The following ZNF383 variants were observed in gnomAD, a reference collection of about 807,000 sequenced individuals.
The protein encoded by ZNF383 is zinc finger protein 383.
Under a neutral mutation model 44.2 loss-of-function variants are expected in ZNF383, and 32 were observed. That is an observed-to-expected ratio of 0.72 (90% confidence interval 0.55 to 0.97). The LOEUF (loss-of-function observed/expected upper bound fraction) is 0.97, where lower values mean the gene tolerates loss of function less well. Among genes scored for constraint, ZNF383 ranks in the 50% least tolerant of loss-of-function variants. ZNF383 has a pLI of 0.00. For synonymous variants in ZNF383, 155 were observed against 186.2 expected (o/e 0.83, Z 1.36); for missense variants, 487 against 562.5 (o/e 0.87, Z 1.36).
At chr19:37,224,148 A>G (rs920910697) in intron 1 of ZNF383, among the ~76,000 whole-genome samples, 3 of 152,204 alleles carry the variant, frequency 2.0e-5, no homozygotes, top group Admixed American at 1.3e-4. Context: ...CTAGGAAATA[A>G]TAAGAATAAA....
At chr19:37,219,232 A>T (rs1972807178) in intron 1 of ZNF383, 1 of 152,482 alleles carries the variant, frequency 6.6e-6, no homozygotes. Context: ...AAGAATGCTC[A>T]TGACAGCCTA....
intron 3 of ZNF383, among the ~76,000 whole-genome samples, chr19:37,232,411 C>T (rs1568525527): frequency 6.6e-6 from 1 of 151,900 alleles, no homozygotes; most frequent in Non-Finnish European, 1.5e-5. Context: ...AACTGGTAGA[C>T]CAGAGAATTA....
chr19:37,247,465 A>T lies in ZNF383; in HGVS notation c.*3801A>T, dbSNP rs1166560688. On this transcript the variant is annotated 3_prime_UTR_variant, in exon 6 of 6. Transcript: ENST00000684119. Reference sequence around the variant, plus strand: ...AAAGGTTGTACAATTTTGTTTATATACTACAGGTCACTCAACTATACACTT... The same window carrying T: ...AAAGGTTGTACAATTTTGTTTATATTCTACAGGTCACTCAACTATACACTT... 3 of 152,212 alleles carry T rather than the reference A, an allele frequency of 2.0e-5. No homozygotes were observed. The highest frequency in any genetic ancestry group is 7.2e-5 in the African/African-American group (3 of 41,458). The allele number at this position is 152,212 out of a possible 1,614,324, so 9.4% of individuals were successfully genotyped here.
intron 1 of ZNF383, among the ~76,000 whole-genome samples, chr19:37,219,087 T>C (rs1972801071): frequency 1.3e-5 from 2 of 151,880 alleles, no homozygotes; most frequent in Non-Finnish European, 2.9e-5. Flanking sequence ...CCTGTGGAGG[T>C]CTATGTGGGT....
intron 3 of ZNF383, among the ~76,000 whole-genome samples, chr19:37,234,513 T>C (rs1973671463): frequency 6.6e-6 from 1 of 152,128 alleles, no homozygotes; most frequent in Admixed American, 6.6e-5. Context: ...CTCAGCCTCC[T>C]GAGTAGCTGA....
At chr19:37,229,147 ATTTTT>A (rs774901192) in intron 2 of ZNF383, among the ~76,000 whole-genome samples, 1 of 116,874 alleles carries the variant, frequency 8.6e-6, no homozygotes, top group African/African-American at 3.4e-5. Context: ...AAAAGGTTGA[ATTTTT>A]TTTTTTTTTT....
At chr19:37,241,716 T>G (rs1468376157) in intron 5 of ZNF383, among the ~76,000 whole-genome samples, 1 of 152,080 alleles carries the variant, frequency 6.6e-6, no homozygotes, top group Non-Finnish European at 1.5e-5. Context: ...ATGAATTACC[T>G]TATTAGCATA....
chr19:37,220,559 GTTT>G (rs201474411), intron 1 of ZNF383, among the ~76,000 whole-genome samples: 1 of 113,028 alleles, frequency 8.8e-6, no homozygotes, highest in African/African-American at 4.4e-5. Flanking sequence ...GCCTATATTT[GTTT>G]TTTTTTTTGT....
intron 5 of ZNF383, among the ~76,000 whole-genome samples, chr19:37,242,044 T>C (rs867764811): frequency 3.2e-5 from 4 of 123,330 alleles, no homozygotes; most frequent in African/African-American, 1.3e-4. Flanking sequence ...ATATATAGTA[T>C]AGATACTATA....
intron 5 of ZNF383, among the ~76,000 whole-genome samples, chr19:37,237,873 T>TC (rs1357791515): frequency 6.6e-6 from 1 of 151,696 alleles, no homozygotes; most frequent in African/African-American, 2.4e-5. Flanking sequence ...AATTTTTTTT[T>TC]TTTTTTTGAG....
At chr19:37,224,074 A>G (rs943612007) in intron 1 of ZNF383, among the ~76,000 whole-genome samples, 1 of 152,018 alleles carries the variant, frequency 6.6e-6, no homozygotes, top group South Asian at 2.1e-4. Flanking sequence ...AAAATTAATG[A>G]TCTATGTATT....
At chr19:37,239,882 G>A (rs745638481) in intron 5 of ZNF383, among the ~76,000 whole-genome samples, 16 of 152,134 alleles carry the variant, frequency 1.1e-4, no homozygotes, top group Non-Finnish European at 2.1e-4. Flanking sequence ...AAGATCTGCC[G>A]GGCGCAGTGG....
At chr19:37,235,273 CAAAA>C (rs929742693) in intron 3 of ZNF383, among the ~76,000 whole-genome samples, 1 of 96,604 alleles carries the variant, frequency 1.0e-5, no homozygotes. Context: ...ATTTCTGTCT[CAAAA>C]AAAAAAAAAA....
Position 37,244,215 on chromosome 19 carries a change from CTGGGATCACAGGCGTG to C in ZNF383, c.*554_*569del, listed in dbSNP as rs1196620599. The C allele has an allele frequency of 6.6e-6, 1 of 151,788 alleles. No homozygotes were observed. Among genetic ancestry groups the C allele is most frequent in the African/African-American group, 2.4e-5 (1 of 41,242 alleles). 9.4% of individuals were successfully genotyped at this position (151,788 alleles called of 1,614,324 possible). ...TCTCCTGCCTCAGACTCCTGAGTAG[CTGGGATCACAGGCGTG>C]TGCCACCACACCCTGCTAATTTTCT... On this transcript the variant is annotated 3_prime_UTR_variant, in exon 6 of 6. Transcript: ENST00000684119.
intron 2 of ZNF383, among the ~76,000 whole-genome samples, chr19:37,228,625 C>G (rs1028212276): frequency 3.9e-5 from 6 of 152,062 alleles, no homozygotes; most frequent in African/African-American, 1.4e-4. Context: ...TTGTGTGTGT[C>G]TACTAACTGC....
In ZNF383 at chr19:37,243,671, T is replaced by G. The variant is rs903052904; in HGVS notation, c.*7T>G. The stretch of plus-strand genomic sequence containing the variant: ...AATTCATACTAATAAATAATAAAAA[T>G]TAAAGCCCCTGTCACCTTCCTCATA... On this transcript the variant is annotated 3_prime_UTR_variant, in exon 6 of 6. Coordinates refer to ENST00000684119, the MANE Select transcript of ZNF383 (RefSeq NM_001387601.1). 8.8e-6 allele frequency: 13 copies of G among 1,478,158 alleles called. No individual in the cohort carries two copies. Among genetic ancestry groups the G allele is most frequent in the Middle Eastern group, 3.7e-4 (2 of 5,430 alleles). 91.6% of individuals were successfully genotyped at this position (1,478,158 alleles called of 1,614,324 possible).
rs371466663 is a variant in ZNF383 at position 37,242,983 on chromosome 19, C to T, written c.747C>T (p.Thr249=). 34 of 1,613,486 alleles carry T rather than the reference C, an allele frequency of 2.1e-5. No individual in the cohort carries two copies. Among genetic ancestry groups the T allele is most frequent in the African/African-American group, 1.6e-4 (12 of 74,772 alleles). The stretch of plus-strand genomic sequence containing the variant: ...TTTCTCAACATCAGAGAATCCATAC[C>T]GGTAAGAAACCCTATGAATGTAAGG... ...SYLSQHQRIH[T]GKKPYECKEC... Residue 249 remains threonine, a synonymous_variant, in exon 6 of 6, where the codon ACC becomes ACT. Transcript: ENST00000684119.
Position 37,224,805 on chromosome 19 carries a change from T to G in ZNF383, c.-167-13T>G, listed in dbSNP as rs1021620115. The stretch of plus-strand genomic sequence containing the variant: ...AAAATTTACCATCTTAATCTTTGTT[T>G]TTTTTTTTTTAGACGGAGTCTCACT... On this transcript the variant is annotated splice_polypyrimidine_tract_variant and intron_variant, in intron 1 of 5. Coordinates refer to ENST00000684119, the MANE Select transcript of ZNF383 (RefSeq NM_001387601.1). 3 of 151,768 alleles carry G rather than the reference T, an allele frequency of 2.0e-5. No homozygotes were observed. The highest frequency in any genetic ancestry group is 7.3e-5 in the African/African-American group (3 of 41,308). 9.4% of individuals were successfully genotyped at this position (151,768 alleles called of 1,614,324 possible). A position where few individuals can be genotyped will look rare whatever the true frequency, so the allele number is the denominator to read the frequency against.
chr19:37,227,294 A>G (rs949887798), intron 2 of ZNF383, among the ~76,000 whole-genome samples: 1 of 150,232 alleles, frequency 6.7e-6, no homozygotes, highest in Non-Finnish European at 1.5e-5. Flanking sequence ...TTGTATTTTT[A>G]GTAGAGACGG....
Sources: gnomAD v4.1 joint callset for allele counts (sites outside exome capture counted in the v4.1 genomes callset) on GRCh38, gnomAD v4.1.1 for gene constraint, MANE v1.5 for transcripts, NCBI Gene and HGNC (gene_info 2026-07-23, HGNC 2026-07-21) for gene names.